Variants in PHACTR4 observed in about 807,000 individuals in gnomAD.
PHACTR4 encodes phosphatase and actin regulator 4.
In PHACTR4, 51 loss-of-function variants were observed where a neutral mutation model predicts 72.7. That is an observed-to-expected ratio of 0.70 (90% CI 0.56 to 0.89). The LOEUF (loss-of-function observed/expected upper bound fraction) is 0.89, where lower values mean the gene tolerates loss of function less well. PHACTR4 is among the 40% of genes least tolerant of loss of function. PHACTR4 has a pLI of 0.00. For synonymous variants in PHACTR4, 255 were observed against 302.5 expected (o/e 0.84, Z 1.63); for missense variants, 731 against 861.8 (o/e 0.85, Z 1.90).
chr1:28,422,026 G>T (rs1655542687), intron 2 of PHACTR4, among the ~76,000 whole-genome samples: 1 of 152,126 alleles, frequency 6.6e-6, no homozygotes, highest in South Asian at 2.1e-4. Flanking sequence ...TGCCATGCAG[G>T]AAAAAGATGA....
chr1:28,482,938 CAA>C (rs746000955), intron 9 of PHACTR4, among the ~76,000 whole-genome samples: 30 of 118,746 alleles, frequency 2.5e-4, no homozygotes, highest in Middle Eastern at 4.2e-3. Context: ...AACCCTGTCT[CAA>C]AAAAAAAAAA....
intron 2 of PHACTR4, among the ~76,000 whole-genome samples, chr1:28,435,117 T>G (rs1656548738): frequency 6.6e-6 from 1 of 152,200 alleles, no homozygotes; most frequent in African/African-American, 2.4e-5. Flanking sequence ...TCTGGCCTGC[T>G]TCTTCCAACT....
intron 2 of PHACTR4, among the ~76,000 whole-genome samples, chr1:28,416,318 A>G (rs899578514): frequency 1.3e-5 from 2 of 152,160 alleles, no homozygotes; most frequent in African/African-American, 4.8e-5. Context: ...TATAAAGGTC[A>G]ACATGTTTTT....
intron 2 of PHACTR4, chr1:28,438,536 C>A (rs1656785491): frequency 1.7e-6 from 2 of 1,198,478 alleles, no homozygotes; most frequent in Non-Finnish European, 2.4e-6. Flanking sequence ...TGTTGATGAT[C>A]CCAACTTTGA....
At chr1:28,421,005 GTT>G (rs1262716128) in intron 2 of PHACTR4, among the ~76,000 whole-genome samples, 1 of 152,140 alleles carries the variant, frequency 6.6e-6, no homozygotes, top group Non-Finnish European at 1.5e-5. Context: ...GTCACACTAA[GTT>G]TTGTAAGGTC....
intron 13 of PHACTR4, among the ~76,000 whole-genome samples, chr1:28,494,802 A>G (rs1158166606): frequency 6.6e-6 from 1 of 152,212 alleles, no homozygotes; most frequent in African/African-American, 2.4e-5. Context: ...AGTCCCTCGC[A>G]ATGCTTTGAC....
intron 6 of PHACTR4, among the ~76,000 whole-genome samples, chr1:28,472,729 G>A (rs149249074): frequency 0.094 from 14,227 of 150,580 alleles, 1,492 homozygotes; most frequent in African/African-American, 0.26. Flanking sequence ...AGCCTCTCCT[G>A]AGTAGCTGGG....
At chr1:28,411,209 A>G (rs1227631855) in intron 2 of PHACTR4, among the ~76,000 whole-genome samples, 23 of 144,742 alleles carry the variant, frequency 1.6e-4, no homozygotes, top group African/African-American at 4.9e-4. Context: ...ACCACACCCA[A>G]CTAATTTTTG....
At chr1:28,379,021 T>C (rs1013608618) in intron 1 of PHACTR4, among the ~76,000 whole-genome samples, 1 of 152,074 alleles carries the variant, frequency 6.6e-6, no homozygotes, top group African/African-American at 2.4e-5. Context: ...GGCACAGTCA[T>C]GGCTCACTGC....
chr1:28,442,462 C>CA lies in PHACTR4; in HGVS notation c.17-16614dup, dbSNP rs1337844147. ...CTGGCGACAGAGTGAGACTCTGTCT[C>CA]AAAAAAAAAGAAAAAAAAGTTTTTG... is the stretch of plus-strand genomic sequence containing the variant. On this transcript the variant is annotated intron_variant, in intron 2 of 13. Transcript: ENST00000373839. Among the ~76,000 whole-genome samples, 421 of 110,016 alleles carry CA rather than the reference C, an allele frequency of 3.8e-3. 4 individuals are homozygous for CA. Among genetic ancestry groups the CA allele is most frequent in the East Asian group, 5.3e-3 (25 of 4,738 alleles). 72.2% of individuals were successfully genotyped at this position (110,016 alleles called of 152,430 possible).
chr1:28,372,048 A>ATTTTTT (rs761764882), intron 1 of PHACTR4, among the ~76,000 whole-genome samples: 1 of 137,312 alleles, frequency 7.3e-6, no homozygotes. Flanking sequence ...CTCCCGGCTA[A>ATTTTTT]TTTTTTTTTT....
At chr1:28,371,672 C>T (rs951839342) in intron 1 of PHACTR4, among the ~76,000 whole-genome samples, 1 of 151,994 alleles carries the variant, frequency 6.6e-6, no homozygotes, top group Non-Finnish European at 1.5e-5. Flanking sequence ...GAGCACTGCT[C>T]ACTGCAGCCT....
chr1:28,406,618 A>C (rs1177478064), intron 1 of PHACTR4, among the ~76,000 whole-genome samples: 1 of 152,138 alleles, frequency 6.6e-6, no homozygotes. Flanking sequence ...AAGTTTCTCC[A>C]GTCATTCCTG....
At chr1:28,403,550 TAAA>T (rs766865925) in intron 1 of PHACTR4, among the ~76,000 whole-genome samples, 10 of 151,998 alleles carry the variant, frequency 6.6e-5, no homozygotes, top group Non-Finnish European at 1.3e-4. Flanking sequence ...ATCTACTACT[TAAA>T]AAACAAAAAA....
At chr1:28,391,800 T>C (rs180963853) in intron 1 of PHACTR4, among the ~76,000 whole-genome samples, 143 of 151,750 alleles carry the variant, frequency 9.4e-4, no homozygotes, top group African/African-American at 3.3e-3. Flanking sequence ...AGAGACGGAG[T>C]TTCTCCATGT....
At chr1:28,476,796 G>A (rs1336656145) in intron 8 of PHACTR4, among the ~76,000 whole-genome samples, 2 of 65,076 alleles carry the variant, frequency 3.1e-5, no homozygotes, top group Admixed American at 2.5e-4. Context: ...TTGAGACGGA[G>A]TTTTGCTCTT....
intron 2 of PHACTR4, among the ~76,000 whole-genome samples, chr1:28,437,177 A>G (rs902771088): frequency 3.3e-5 from 5 of 152,178 alleles, no homozygotes; most frequent in African/African-American, 1.2e-4. Flanking sequence ...ATTATAACAG[A>G]ATACTATAGA....
At chr1:28,457,311 G>A (rs1658460788) in intron 2 of PHACTR4, 3 of 448,274 alleles carry the variant, frequency 6.7e-6, no homozygotes, top group Admixed American at 4.8e-5. Flanking sequence ...AAAAGAGAGA[G>A]AGGCCAGGTG....
At chr1:28,483,656 G>T (rs1570097373) in intron 9 of PHACTR4, among the ~76,000 whole-genome samples, 1 of 151,730 alleles carries the variant, frequency 6.6e-6, no homozygotes, top group South Asian at 2.1e-4. Context: ...AAAAAAATTA[G>T]CTGGGTGTGG....
Sources: gnomAD v4.1 joint callset for allele counts (sites outside exome capture counted in the v4.1 genomes callset) on GRCh38, gnomAD v4.1.1 for gene constraint, MANE v1.5 for transcripts, NCBI Gene and HGNC (gene_info 2026-07-23, HGNC 2026-07-21) for gene names.